SEZ6L2: variants seen among roughly 807,000 people sequenced by gnomAD.
The protein encoded by SEZ6L2 is seizure related 6 homolog like 2, also known as seizure 6-like protein 2.
In SEZ6L2, 44 loss-of-function variants were observed where a neutral mutation model predicts 97.0. The observed-to-expected ratio is 0.45, with a 90% CI of 0.36 to 0.58. The LOEUF (loss-of-function observed/expected upper bound fraction) is 0.58. Among genes scored for constraint, SEZ6L2 ranks in the 20% least tolerant of loss-of-function variants. The pLI, the probability that SEZ6L2 is intolerant of heterozygous loss-of-function variation, is 0.00. For missense variants in SEZ6L2, 1,086 were observed against 1,233.3 expected, an observed-to-expected ratio of 0.88 and a Z score of 1.79; for synonymous variants, 543 against 546.1, an observed-to-expected ratio of 0.99 and a Z score of 0.08.
At chr16:29,877,578 C>T (rs1199782628) in intron 10 of SEZ6L2, 111 bp from the exon 11 acceptor site, 5 of 988,840 alleles carry the variant, frequency 5.1e-6, no homozygotes, top group Non-Finnish European at 7.2e-6. Flanking sequence ...TCTCCAGCCC[C>T]GCCCATATTC....
In SEZ6L2 at chr16:29,885,694, T is replaced by A; in HGVS notation, c.1264A>T (p.Met422Leu). 2 of 1,613,918 alleles carry A rather than the reference T, an allele frequency of 1.2e-6. No individual in the cohort carries two copies. The highest frequency in any genetic ancestry group is 1.7e-6 in the Non-Finnish European group (2 of 1,179,934). ...PLSPVIYDSD[M>L]DDVPERGLIS... ...AGACCCCGCTCGGGGACATCGTCCA[T>A]GTCCGAATCATAGATCACGGGGGAT... The change falls in exon 8 of 18, where the codon ATG (methionine) becomes TTG (leucine). Residue 422 changes from methionine to leucine, a missense_variant. Physicochemically the swap from Met to Leu is conservative, Grantham distance 15. Around this residue, in one of 2 missense-constraint regions of SEZ6L2, gnomAD observed 776 missense variants for 794.7 expected, o/e 0.98. Coordinates refer to ENST00000617533, the MANE Select transcript of SEZ6L2 (RefSeq NM_001243332.2).
At chr16:29,881,314 T>C (rs2068025549) in intron 8 of SEZ6L2, among the ~76,000 whole-genome samples, 1 of 152,114 alleles carries the variant, frequency 6.6e-6, no homozygotes, top group African/African-American at 2.4e-5. Flanking sequence ...CCCAGATGGT[T>C]TGATTCCCAG....
rs916454839 is a variant in SEZ6L2 at position 29,890,739 on chromosome 16, T to C, written c.854-2014A>G. 1.3e-4 allele frequency among the ~76,000 whole-genome samples: 19 copies of C among 145,286 alleles called. 1 individual carries two copies. The highest frequency in any genetic ancestry group is 4.5e-5 in the Non-Finnish European group (3 of 66,482). On this transcript the variant is annotated intron_variant, in intron 5 of 17. Coordinates refer to ENST00000617533, the MANE Select transcript of SEZ6L2 (RefSeq NM_001243332.2). ...CATGATTTTGTCATCACATTAACCA[T>C]TGTCTTTTTTTTTTTTTTTTTTTTT...
chr16:29,877,157 G>A (rs1181094077), intron 11 of SEZ6L2, 114 bp downstream of exon 11: 4 of 1,240,542 alleles, frequency 3.2e-6, no homozygotes, highest in Non-Finnish European at 3.3e-6. Flanking sequence ...CGATCCTCCC[G>A]CCTCGGCCTC....
At position 29,895,528 on chromosome 16, in the gene SEZ6L2, C is replaced by G; in HGVS notation, c.652-68G>C. 3 of 1,554,510 alleles carry G rather than the reference C, an allele frequency of 1.9e-6. No individual in the cohort carries two copies. In the South Asian group the frequency reaches 3.5e-5, roughly 18 times the overall value. ...GTGTTTGACTTCCAAAGCCCCTGTC[C>G]TGTGCCTTTGCCCTGTGTGTAGCAG... On this transcript the variant is annotated intron_variant, in intron 4 of 17. Transcript: ENST00000617533.
intron 14 of SEZ6L2, among the ~76,000 whole-genome samples, 156 bp from the exon 15 acceptor site, chr16:29,872,899 T>C (rs934709539): frequency 2.0e-5 from 3 of 151,964 alleles, no homozygotes; most frequent in Non-Finnish European, 4.4e-5. Flanking sequence ...GAGAGAGGAG[T>C]GACCAGCACA....
chr16:29,899,317 C>T lies in SEZ6L2; in HGVS notation c.-298G>A, dbSNP rs903726332. On this transcript the variant is annotated 5_prime_UTR_variant, in exon 1 of 18. Coordinates refer to ENST00000617533, the MANE Select transcript of SEZ6L2 (RefSeq NM_001243332.2). Reference sequence around the variant, plus strand: ...GGTGGGGCCGAGAGGGCCGAAGGGGCCGGGTGGCCTGGGTTACCCTCCTGC... The same window carrying T: ...GGTGGGGCCGAGAGGGCCGAAGGGGTCGGGTGGCCTGGGTTACCCTCCTGC... The T allele has an allele frequency of 7.5e-6, 3 of 398,122 alleles. No individual in the cohort carries two copies. Among genetic ancestry groups the T allele is most frequent in the Non-Finnish European group, 1.4e-5 (3 of 222,206 alleles). 24.7% of individuals were successfully genotyped at this position (398,122 alleles called of 1,614,324 possible).
At position 29,873,175 on chromosome 16, in the gene SEZ6L2, G is replaced by C; in HGVS notation, c.2488+65C>G. 6.4e-7 allele frequency: 1 copy of C among 1,571,418 alleles called. No individual in the cohort carries two copies. Among genetic ancestry groups the C allele is most frequent in the South Asian group, 1.1e-5 (1 of 88,110 alleles). On this transcript the variant is annotated intron_variant, in intron 14 of 17. Transcript: ENST00000617533. The surrounding 1 kb of genome is among the most constrained non-coding windows in gnomAD (Gnocchi z 4.3). The stretch of plus-strand genomic sequence containing the variant: ...CCCATTGGTCTCAAATGTGCTACCT[G>C]ACTCTCCCAGCCCTGTCACTTCCCG...
intron 2 of SEZ6L2, 83 bp from the exon 3 acceptor site, chr16:29,897,204 G>C (rs2068421307): frequency 8.1e-7 from 1 of 1,242,130 alleles, no homozygotes; most frequent in Non-Finnish European, 1.1e-6. Flanking sequence ...GGAAGCTAGG[G>C]GTTCCCCTGC....
At chr16:29,877,541 AC>A in intron 10 of SEZ6L2, 74 bp from the exon 11 acceptor site, 3 of 1,352,682 alleles carry the variant, frequency 2.2e-6, no homozygotes, top group Non-Finnish European at 3.0e-6. Flanking sequence ...CCCATCCTCA[AC>A]TCTGCTCATT....
chr16:29,873,328 A>C lies in SEZ6L2; in HGVS notation c.2400T>G (p.Tyr800Ter). 1 of 1,614,236 alleles carries C rather than the reference A, an allele frequency of 6.2e-7. No individual in the cohort carries two copies. The highest frequency in any genetic ancestry group is 8.5e-7 in the Non-Finnish European group (1 of 1,180,040). The change falls in exon 14 of 18, where the codon TAT becomes TAG. Residue 800 changes from tyrosine to a stop codon, truncating the protein, a stop_gained. Transcript: ENST00000617533. LOFTEE classifies it high-confidence loss of function. This position sits in a 1 kb window ranked among gnomAD's most constrained non-coding sequence, Gnocchi z 4.3. ...QAGESLRFFC[Y>*]EGFELIGEVT... is the part of the protein sequence containing the mutation. ...CCTCGCCGATAAGCTCAAAGCCCTC[A>C]TAGCAGAAGAAGCGCAGAGACTCGC...
intron 1 of SEZ6L2, 22 bp downstream of exon 1, chr16:29,898,919 C>A: frequency 6.3e-7 from 1 of 1,599,616 alleles, no homozygotes; most frequent in Non-Finnish European, 8.5e-7. Flanking sequence ...TGGGGCCCAC[C>A]CCCACAGTCT....
rs780031365 is a variant in SEZ6L2 at position 29,885,675 on chromosome 16, C to T, written c.1283G>A (p.Arg428Gln). Residue 428 changes from arginine (R) to glutamine (Q), a missense_variant, in exon 8 of 18, where the codon CGG becomes CAG. Transcript: ENST00000617533. ...YDSDMDDVPE[R>Q]GLISDAQSLY... ...GGACTGGGCGTCACTGATGAGACCC[C>T]GCTCGGGGACATCGTCCATGTCCGA... The T allele has an allele frequency of 5.6e-6, 9 of 1,613,848 alleles. No homozygotes were observed. The highest frequency in any genetic ancestry group is 4.0e-5 in the African/African-American group (3 of 74,862).
chr16:29,889,906 T>C (rs2068234878), intron 5 of SEZ6L2, among the ~76,000 whole-genome samples: 1 of 151,526 alleles, frequency 6.6e-6, no homozygotes, highest in Non-Finnish European at 1.5e-5. Flanking sequence ...ATTTTGTCTT[T>C]TTGTTTTTGT....
intron 11 of SEZ6L2, 149 bp downstream of exon 11, chr16:29,877,122 G>T: frequency 9.4e-7 from 1 of 1,062,122 alleles, no homozygotes; most frequent in Non-Finnish European, 1.3e-6. Flanking sequence ...ATAGCTCACT[G>T]CAGCCTCAAC....
intron 4 of SEZ6L2, 108 bp downstream of exon 4, chr16:29,895,613 C>G: frequency 6.9e-7 from 1 of 1,449,384 alleles, no homozygotes; most frequent in East Asian, 2.3e-5. Flanking sequence ...TTTGAGGTCA[C>G]CTGAGTCATC....
chr16:29,873,173 C>T lies in SEZ6L2; in HGVS notation c.2488+67G>A, dbSNP rs564627858. ...CGCCCATTGGTCTCAAATGTGCTAC[C>T]TGACTCTCCCAGCCCTGTCACTTCC... On this transcript the variant is annotated intron_variant, in intron 14 of 17. Transcript: ENST00000617533. The surrounding 1 kb of genome is among the most constrained non-coding windows in gnomAD (Gnocchi z 4.3). 244 of 1,568,586 alleles carry T rather than the reference C, an allele frequency of 1.6e-4. No individual in the cohort carries two copies. The East Asian group carries it at 4.5e-3, about 29-fold the overall frequency.
Position 29,871,470 on chromosome 16 carries a change from G to A in SEZ6L2, c.*229C>T. On this transcript the variant is annotated 3_prime_UTR_variant, in exon 18 of 18. Coordinates refer to ENST00000617533, the MANE Select transcript of SEZ6L2 (RefSeq NM_001243332.2). ...AGAATCCAAAAGCCGGTAGGGCGGG[G>A]GGCAGGCCCCTCGTTTGGCAACTGA... is the stretch of plus-strand genomic sequence containing the variant. 1 of 603,214 alleles carries A rather than the reference G, an allele frequency of 1.7e-6. No homozygotes were observed. The highest frequency in any genetic ancestry group is 3.0e-6 in the Non-Finnish European group (1 of 336,984). 37.4% of individuals were successfully genotyped at this position (603,214 alleles called of 1,614,324 possible).
At chr16:29,880,737 A>G (rs552254679) in intron 8 of SEZ6L2, among the ~76,000 whole-genome samples, 4 of 151,514 alleles carry the variant, frequency 2.6e-5, no homozygotes, top group Non-Finnish European at 5.9e-5. Context: ...GATTACAGAC[A>G]TGAGTCACTG....
Sources: allele counts gnomAD v4.1 joint callset (sites outside exome capture counted in the v4.1 genomes callset), GRCh38; gene constraint gnomAD v4.1.1; regional missense constraint gnomAD v4.1.1; non-coding constraint Gnocchi (gnomAD v3.1); transcripts MANE v1.5; gene names NCBI Gene and HGNC (gene_info 2026-07-23, HGNC 2026-07-21).